Variants in ARHGAP15 observed in about 807,000 individuals in gnomAD.
ARHGAP15 encodes rho GTPase-activating protein 15.
In ARHGAP15, 51 loss-of-function variants were observed where a neutral mutation model predicts 63.7. The observed-to-expected ratio is 0.80, with a 90% CI of 0.64 to 1.01. The LOEUF (loss-of-function observed/expected upper bound fraction) is 1.01, where lower values mean the gene tolerates loss of function less well. Ranked by LOEUF, ARHGAP15 falls within the 50% of genes least tolerant of loss-of-function variation. ARHGAP15 has a pLI of 0.00. For synonymous variants in ARHGAP15, 191 were observed against 193.8 expected, an observed-to-expected ratio of 0.99 and a Z score of 0.12; for missense variants, 560 against 564.6, an observed-to-expected ratio of 0.99 and a Z score of 0.08.
intron 10 of ARHGAP15, among the ~76,000 whole-genome samples, chr2:143,538,418 T>C (rs548285938): frequency 1.1e-3 from 161 of 152,284 alleles, no homozygotes; most frequent in African/African-American, 3.7e-3. Context: ...AACACTATGT[T>C]GAATAGGAGT....
chr2:143,539,849 A>G (rs1176636815), intron 10 of ARHGAP15, among the ~76,000 whole-genome samples: 1 of 151,952 alleles, frequency 6.6e-6, no homozygotes, highest in Non-Finnish European at 1.5e-5. Flanking sequence ...AAAAGAATGT[A>G]TATTCTGTTG....
intron 13 of ARHGAP15, among the ~76,000 whole-genome samples, chr2:143,722,562 A>G (rs1685107597): frequency 1.3e-5 from 2 of 152,222 alleles, no homozygotes; most frequent in Non-Finnish European, 2.9e-5. Flanking sequence ...CGGAAGTCTA[A>G]GGTTTTGCCT....
intron 10 of ARHGAP15, among the ~76,000 whole-genome samples, chr2:143,551,616 G>T (rs1695567145): frequency 6.6e-6 from 1 of 151,886 alleles, no homozygotes; most frequent in African/African-American, 2.4e-5. Flanking sequence ...TTTTAGAATG[G>T]TTTTTATGAA....
intron 12 of ARHGAP15, among the ~76,000 whole-genome samples, chr2:143,691,728 ACTGTAC>A (rs1683609270): frequency 6.6e-6 from 1 of 152,186 alleles, no homozygotes; most frequent in Admixed American, 6.5e-5. Context: ...TAATAATTTC[ACTGTAC>A]ATCACACTTG....
intron 6 of ARHGAP15, among the ~76,000 whole-genome samples, chr2:143,304,128 C>A (rs1345307968): frequency 1.3e-5 from 2 of 152,152 alleles, no homozygotes; most frequent in African/African-American, 4.8e-5. Context: ...GATTATAAAT[C>A]ATGCTGCTAT....
At chr2:143,415,095 T>C (rs949189316) in intron 6 of ARHGAP15, among the ~76,000 whole-genome samples, 10 of 152,176 alleles carry the variant, frequency 6.6e-5, no homozygotes, top group Non-Finnish European at 2.9e-5. Context: ...GTTGACCAAG[T>C]GAAATACTTA....
chr2:143,540,564 C>T (rs1201909525), intron 10 of ARHGAP15, among the ~76,000 whole-genome samples: 1 of 152,144 alleles, frequency 6.6e-6, no homozygotes, highest in Admixed American at 6.6e-5. Context: ...TCCTTTAAGG[C>T]AGGCCTGGTG....
chr2:143,676,757 A>C (rs1270998532), intron 12 of ARHGAP15, among the ~76,000 whole-genome samples: 1 of 152,224 alleles, frequency 6.6e-6, no homozygotes, highest in East Asian at 1.9e-4. Flanking sequence ...ATAATGAAAA[A>C]GTTTGAAATA....
chr2:143,428,440 G>A (rs1050760408), intron 6 of ARHGAP15, among the ~76,000 whole-genome samples: 4 of 151,726 alleles, frequency 2.6e-5, no homozygotes, highest in Non-Finnish European at 4.4e-5. Context: ...AGAAGAATGG[G>A]ATGATCATAT....
intron 10 of ARHGAP15, among the ~76,000 whole-genome samples, chr2:143,546,722 A>T (rs1214295809): frequency 6.6e-6 from 1 of 152,160 alleles, no homozygotes; most frequent in Admixed American, 6.5e-5. Flanking sequence ...CAAATGAATG[A>T]TTTATTTACA....
At chr2:143,139,973 A>G (rs1308168916) in intron 1 of ARHGAP15, among the ~76,000 whole-genome samples, 1 of 152,162 alleles carries the variant, frequency 6.6e-6, no homozygotes, top group Admixed American at 6.5e-5. Context: ...AAAATGATGT[A>G]TGTAAAGATG....
chr2:143,745,422 C>T (rs1229758194), intron 13 of ARHGAP15, among the ~76,000 whole-genome samples: 1 of 152,132 alleles, frequency 6.6e-6, no homozygotes, highest in Non-Finnish European at 1.5e-5. Flanking sequence ...TCTCTTTGTC[C>T]AATGCCACCA....
chr2:143,170,489 C>G (rs970084377), intron 2 of ARHGAP15, among the ~76,000 whole-genome samples: 1 of 152,082 alleles, frequency 6.6e-6, no homozygotes, highest in Non-Finnish European at 1.5e-5. Flanking sequence ...TGATACCAAC[C>G]AAAACTCAAG....
chr2:143,387,169 A>C (rs1376323943), intron 6 of ARHGAP15, among the ~76,000 whole-genome samples: 2 of 152,198 alleles, frequency 1.3e-5, no homozygotes, highest in African/African-American at 4.8e-5. Flanking sequence ...TAAAAAAATC[A>C]TTAATTCCTA....
chr2:143,363,875 A>T (rs1451729364), intron 6 of ARHGAP15, among the ~76,000 whole-genome samples: 1 of 152,208 alleles, frequency 6.6e-6, no homozygotes, highest in African/African-American at 2.4e-5. Context: ...AAACTCAAAA[A>T]TAATTGTCAG....
chr2:143,575,038 TC>T (rs774622038), intron 11 of ARHGAP15, among the ~76,000 whole-genome samples: 4 of 152,150 alleles, frequency 2.6e-5, no homozygotes, highest in Non-Finnish European at 4.4e-5. Flanking sequence ...CTAGAGATTT[TC>T]CAATACATGC....
At chr2:143,674,351 T>G (rs1335264723) in intron 12 of ARHGAP15, among the ~76,000 whole-genome samples, 1 of 152,204 alleles carries the variant, frequency 6.6e-6, no homozygotes, top group Non-Finnish European at 1.5e-5. Flanking sequence ...AATTTTTTCT[T>G]GAGCTAAAGA....
At chr2:143,378,703 C>A (rs1686920905) in intron 6 of ARHGAP15, among the ~76,000 whole-genome samples, 2 of 152,032 alleles carry the variant, frequency 1.3e-5, no homozygotes, top group African/African-American at 4.8e-5. Context: ...TCTCCTTCCC[C>A]CTCCACTGCC....
At chr2:143,747,416 A>G (rs1287135221) in intron 13 of ARHGAP15, among the ~76,000 whole-genome samples, 1 of 152,122 alleles carries the variant, frequency 6.6e-6, no homozygotes, top group Non-Finnish European at 1.5e-5. Context: ...ATTAGGCTTC[A>G]CTCTTTACAC....
Sources: allele counts gnomAD v4.1 joint callset (sites outside exome capture counted in the v4.1 genomes callset), GRCh38; gene constraint gnomAD v4.1.1; transcripts MANE v1.5; gene names NCBI Gene and HGNC (gene_info 2026-07-23, HGNC 2026-07-21).